The following OR10J1 variants were observed in gnomAD, a reference collection of about 807,000 sequenced individuals.
OR10J1 encodes the protein olfactory receptor family 10 subfamily J member 1, also known as olfactory receptor 10J1.
For synonymous variants in OR10J1, 202 were observed against 143.8 expected (o/e 1.40, Z -2.89); for missense variants, 474 against 376.6 (o/e 1.26, Z -2.14).
At chr1:159,438,224 A>G (rs982460524), upstream of OR10J1, among the ~76,000 whole-genome samples, 15 of 152,200 alleles carry the variant, frequency 9.9e-5, no homozygotes, top group African/African-American at 3.4e-4. Context: ...TGCTAACCAA[A>G]TCATAATAGC....
the OR10J1 span, among the ~76,000 whole-genome samples, chr1:159,424,362 A>G: frequency 6.6e-6 from 1 of 150,952 alleles, no homozygotes; most frequent in Non-Finnish European, 1.5e-5. Flanking sequence ...GCATGTAAAT[A>G]TGCATATATG....
chr1:159,397,706 G>A, the OR10J1 span, among the ~76,000 whole-genome samples: 2 of 152,190 alleles, frequency 1.3e-5, no homozygotes, highest in Non-Finnish European at 2.9e-5. Context: ...ACTATGTCTT[G>A]TGGTTTCCGT....
At chr1:159,399,809 C>T in the OR10J1 span, among the ~76,000 whole-genome samples, 6 of 151,876 alleles carry the variant, frequency 4.0e-5, no homozygotes, top group Non-Finnish European at 7.4e-5. Flanking sequence ...ACTACAACAA[C>T]TTTTCAAGAC....
chr1:159,440,277 T>C lies in OR10J1; in HGVS notation c.486T>C (p.Ser162=), dbSNP rs1233097102. 1.9e-6 allele frequency: 3 copies of C among 1,614,066 alleles called. No individual in the cohort carries two copies. Among genetic ancestry groups the C allele is most frequent in the Non-Finnish European group, 2.5e-6 (3 of 1,180,032 alleles). ...TTGTAGCAATAACGCAAGTGACATC[T>C]GTATTCAGGTTACCCTTCTGTGCTA... ...GLIVAITQVT[S]VFRLPFCARK... is the part of the protein sequence containing the mutation. Residue 162 remains serine (S), a synonymous_variant, in exon 1 of 1, where the codon TCT becomes TCC. Coordinates refer to ENST00000423932, the MANE Select transcript of OR10J1 (RefSeq NM_012351.3).
At chr1:159,406,169 C>T in the OR10J1 span, 13 of 499,428 alleles carry the variant, frequency 2.6e-5, no homozygotes, top group Middle Eastern at 3.1e-3. Flanking sequence ...AGATAGACAG[C>T]AATGCTCAGG....
chr1:159,437,317 C>T (rs57816515), upstream of OR10J1, among the ~76,000 whole-genome samples: 7,927 of 152,124 alleles, frequency 0.052, 661 homozygotes, highest in African/African-American at 0.18. Context: ...TGCAGAATGA[C>T]GACCATATTT....
At chr1:159,431,689 G>T in the OR10J1 span, among the ~76,000 whole-genome samples, 1 of 152,238 alleles carries the variant, frequency 6.6e-6, no homozygotes, top group Admixed American at 6.5e-5. Context: ...TATACTTCAA[G>T]TACCTATACA....
At chr1:159,419,630 T>C in the OR10J1 span, among the ~76,000 whole-genome samples, 1 of 152,184 alleles carries the variant, frequency 6.6e-6, no homozygotes, top group Non-Finnish European at 1.5e-5. Flanking sequence ...TTACATGTAT[T>C]TGTACAGTTT....
At chr1:159,403,627 T>A in the OR10J1 span, among the ~76,000 whole-genome samples, 3 of 152,078 alleles carry the variant, frequency 2.0e-5, no homozygotes, top group African/African-American at 7.2e-5. Context: ...AATGCTGGCA[T>A]GGATGTGGAG....
the OR10J1 span, among the ~76,000 whole-genome samples, chr1:159,402,348 AT>A: frequency 2.0e-5 from 3 of 152,094 alleles, no homozygotes; most frequent in Non-Finnish European, 4.4e-5. Context: ...ATGATCTTAT[AT>A]TTGGGGAAAC....
At chr1:159,438,935 A>G (rs1414640749), upstream of OR10J1, among the ~76,000 whole-genome samples, 1 of 152,162 alleles carries the variant, frequency 6.6e-6, no homozygotes, top group Non-Finnish European at 1.5e-5. Context: ...AATTTGCTGT[A>G]TCTTTCCTGA....
At chr1:159,400,658 A>G in the OR10J1 span, among the ~76,000 whole-genome samples, 5 of 151,716 alleles carry the variant, frequency 3.3e-5, no homozygotes, top group Non-Finnish European at 7.4e-5. Flanking sequence ...ATAGGCCCCA[A>G]TACAATAAGA....
chr1:159,426,891 C>T, the OR10J1 span, among the ~76,000 whole-genome samples: 15 of 151,958 alleles, frequency 9.9e-5, no homozygotes, highest in African/African-American at 3.6e-4. Flanking sequence ...TATATGTTAA[C>T]CATTATTCTA....
the OR10J1 span, chr1:159,405,710 T>C: frequency 4.3e-6 from 3 of 694,776 alleles, no homozygotes; most frequent in East Asian, 3.1e-5. Flanking sequence ...ATGGTGTAGA[T>C]GATGAGGTCA....
In OR10J1 at chr1:159,440,025, C is replaced by G. The variant is rs766089577; in HGVS notation, c.234C>G (p.Leu78=). The change falls in exon 1 of 1, where the codon CTC becomes CTG. Residue 78 remains leucine, a synonymous_variant. Transcript: ENST00000423932. The part of the protein sequence containing the change: ...TSETVYTLVI[L]PRMLSSLVGM... ...AGACTGTATATACATTGGTCATTCT[C>G]CCAAGAATGCTCTCCAGCCTCGTAG... 6.2e-7 allele frequency: 1 copy of G among 1,614,144 alleles called. No individual in the cohort carries two copies.
the OR10J1 span, among the ~76,000 whole-genome samples, chr1:159,404,491 G>C: frequency 1.3e-5 from 2 of 152,116 alleles, no homozygotes; most frequent in Non-Finnish European, 2.9e-5. Context: ...ATCATTTACA[G>C]CTCAAACATC....
chr1:159,415,054 G>T, the OR10J1 span, among the ~76,000 whole-genome samples: 16 of 152,004 alleles, frequency 1.1e-4, no homozygotes, highest in Non-Finnish European at 1.9e-4. Flanking sequence ...TTCCTTTGCT[G>T]TGAAGAAGCT....
the OR10J1 span, among the ~76,000 whole-genome samples, chr1:159,399,539 C>A: frequency 7.1e-6 from 1 of 140,806 alleles, no homozygotes; most frequent in East Asian, 2.1e-4. Flanking sequence ...CCACTGCACT[C>A]CAGCCTGGGC....
At chr1:159,397,997 C>T in the OR10J1 span, among the ~76,000 whole-genome samples, 1 of 152,150 alleles carries the variant, frequency 6.6e-6, no homozygotes, top group South Asian at 2.1e-4. Context: ...GTGATGGTGG[C>T]CACAGGAGTG....
Sources: allele counts gnomAD v4.1 joint callset (sites outside exome capture counted in the v4.1 genomes callset), GRCh38; gene constraint gnomAD v4.1.1; transcripts MANE v1.5; gene names NCBI Gene and HGNC (gene_info 2026-07-23, HGNC 2026-07-21).